Variants in POFUT3 observed in about 807,000 individuals in gnomAD.
POFUT3 encodes the protein GDP-fucose protein O-fucosyltransferase 3.
the POFUT3 span, among the ~76,000 whole-genome samples, chr8:33,399,168 CA>C: frequency 9.9e-5 from 15 of 152,150 alleles, no homozygotes; most frequent in African/African-American, 3.4e-4. Context: ...AATGTTCCCT[CA>C]ATACTTAAAA....
chr8:33,465,405 T>TATATATATATAC, the POFUT3 span, among the ~76,000 whole-genome samples: 7 of 139,588 alleles, frequency 5.0e-5, no homozygotes, highest in African/African-American at 1.9e-4. Context: ...TATATATATA[T>TATATATATATAC]ACACACATAC....
the POFUT3 span, among the ~76,000 whole-genome samples, chr8:33,417,074 C>A: frequency 2.0e-5 from 3 of 152,066 alleles, no homozygotes; most frequent in Admixed American, 6.6e-5. Flanking sequence ...CACTCCCCAG[C>A]GCTGGCATTA....
At chr8:33,450,064 A>G in the POFUT3 span, among the ~76,000 whole-genome samples, 1 of 151,260 alleles carries the variant, frequency 6.6e-6, no homozygotes, top group South Asian at 2.1e-4. Context: ...CAGCCTCCCA[A>G]GTAGCTGGGA....
the POFUT3 span, among the ~76,000 whole-genome samples, chr8:33,359,987 A>T: frequency 6.7e-6 from 1 of 148,350 alleles, no homozygotes; most frequent in African/African-American, 2.5e-5. Context: ...GCCTGGGCAA[A>T]AGAGCAAGAC....
At chr8:33,464,243 A>G in the POFUT3 span, among the ~76,000 whole-genome samples, 198 of 152,298 alleles carry the variant, frequency 1.3e-3, no homozygotes, top group African/African-American at 4.7e-3. Flanking sequence ...TTGCTACCCC[A>G]TCAACTGGAA....
the POFUT3 span, among the ~76,000 whole-genome samples, chr8:33,384,854 A>T: frequency 6.6e-6 from 1 of 152,064 alleles, no homozygotes; most frequent in Non-Finnish European, 1.5e-5. Context: ...CTTCAGCAAC[A>T]TGGTATTTTG....
At chr8:33,413,322 G>C in the POFUT3 span, among the ~76,000 whole-genome samples, 1 of 152,052 alleles carries the variant, frequency 6.6e-6, no homozygotes, top group Non-Finnish European at 1.5e-5. Context: ...GAAGAGACTA[G>C]AGCTCTCTCG....
chr8:33,328,716 T>C, the POFUT3 span, among the ~76,000 whole-genome samples: 1 of 152,250 alleles, frequency 6.6e-6, no homozygotes, highest in African/African-American at 2.4e-5. Flanking sequence ...AGCTGGTGAG[T>C]CTTGTGCCCA....
At chr8:33,431,671 A>C in the POFUT3 span, among the ~76,000 whole-genome samples, 2 of 151,424 alleles carry the variant, frequency 1.3e-5, no homozygotes, top group African/African-American at 2.4e-5. Context: ...TTCAACACAA[A>C]ACATTCTTGG....
At chr8:33,429,530 A>G in the POFUT3 span, among the ~76,000 whole-genome samples, 1 of 152,170 alleles carries the variant, frequency 6.6e-6, no homozygotes, top group Non-Finnish European at 1.5e-5. Flanking sequence ...ATTACAAAGA[A>G]GATATGTACT....
At chr8:33,381,817 A>G in the POFUT3 span, among the ~76,000 whole-genome samples, 4 of 152,280 alleles carry the variant, frequency 2.6e-5, no homozygotes, top group African/African-American at 4.8e-5. Context: ...AAGCATCCAG[A>G]TCTCTCATTT....
At chr8:33,415,583 G>T in the POFUT3 span, among the ~76,000 whole-genome samples, 1 of 152,256 alleles carries the variant, frequency 6.6e-6, no homozygotes, top group African/African-American at 2.4e-5. Context: ...TCCCAGCCAG[G>T]TGACAGATTT....
the POFUT3 span, chr8:33,453,338 A>C: frequency 1.2e-6 from 2 of 1,614,210 alleles, no homozygotes; most frequent in Non-Finnish European, 1.7e-6. Context: ...GGACCACCAG[A>C]GCATAATGGG....
chr8:33,338,191 A>G, the POFUT3 span, among the ~76,000 whole-genome samples: 1 of 152,206 alleles, frequency 6.6e-6, no homozygotes, highest in Admixed American at 6.5e-5. Context: ...GGGCTTCAAT[A>G]TGTGAATCGC....
At chr8:33,435,954 C>T in the POFUT3 span, among the ~76,000 whole-genome samples, 2 of 152,026 alleles carry the variant, frequency 1.3e-5, no homozygotes, top group Non-Finnish European at 2.9e-5. Flanking sequence ...CAGTGAGACT[C>T]TTGCCACAGT....
chr8:33,468,252 A>C, the POFUT3 span, among the ~76,000 whole-genome samples: 1 of 149,824 alleles, frequency 6.7e-6, no homozygotes, highest in Admixed American at 6.6e-5. Flanking sequence ...AAAAAAAAAA[A>C]AAAAAGAAGA....
chr8:33,426,848 C>A, the POFUT3 span, among the ~76,000 whole-genome samples: 1 of 152,196 alleles, frequency 6.6e-6, no homozygotes, highest in Non-Finnish European at 1.5e-5. Flanking sequence ...CCCTGAAGGA[C>A]CCTCCCAGGG....
At chr8:33,321,221 A>G in the POFUT3 span, among the ~76,000 whole-genome samples, 1 of 152,174 alleles carries the variant, frequency 6.6e-6, no homozygotes, top group Admixed American at 6.6e-5. Context: ...TTCTCTTCCA[A>G]TTGGCTATTA....
chr8:33,381,985 A>C, the POFUT3 span, among the ~76,000 whole-genome samples: 2 of 152,114 alleles, frequency 1.3e-5, no homozygotes, highest in Non-Finnish European at 2.9e-5. Context: ...AATTTTTTTC[A>C]ACTAGTTTGT....
Sources: gnomAD v4.1 joint callset for allele counts (sites outside exome capture counted in the v4.1 genomes callset) on GRCh38, gnomAD v4.1.1 for gene constraint, MANE v1.5 for transcripts, NCBI Gene and HGNC (gene_info 2026-07-23, HGNC 2026-07-21) for gene names.